Variants in GNAT1 observed in about 807,000 individuals in gnomAD.
The protein encoded by GNAT1 is G protein subunit alpha transducin 1.
Under a neutral mutation model 40.0 loss-of-function variants are expected in GNAT1, and 36 were observed. The ratio of observed to expected loss-of-function variants is 0.90; its 90% CI spans 0.69 to 1.19. GNAT1 has a LOEUF of 1.19. GNAT1 is among the 50% of genes most tolerant of loss of function. The pLI is 0.00. For missense variants in GNAT1, 413 were observed against 480.6 expected (o/e 0.86, Z 1.32); for synonymous variants, 195 against 192.9 (o/e 1.01, Z -0.09).
In GNAT1 at chr3:50,195,469, C is replaced by A. The variant is rs1699486543; in HGVS notation, c.*203C>A. ...GTATCCCAGCGCCTCATGCCCCCAA[C>A]CCCAAGCCCTGCCCTTCACCGCCCG... On this transcript the variant is annotated 3_prime_UTR_variant, in exon 9 of 9. Transcript: ENST00000232461. 5.3e-6 allele frequency: 1 copy of A among 187,832 alleles called. No homozygotes were observed. Among genetic ancestry groups the A allele is most frequent in the Non-Finnish European group, 1.1e-5 (1 of 88,010 alleles). The allele number at this position is 187,832 out of a possible 1,614,324, so 11.6% of individuals were successfully genotyped here. A position where few individuals can be genotyped will look rare whatever the true frequency, so the allele number is the denominator to read the frequency against.
Position 50,194,186 on chromosome 3 carries a change from G to A in GNAT1, c.673G>A (p.Ala225Thr), listed in dbSNP as rs1372709296. Residue 225 changes from alanine (A) to threonine (T), a missense_variant, in exon 6 of 9, where the codon GCC becomes ACC. By Grantham distance (58) the Ala-to-Thr change is moderately conservative. Transcript: ENST00000232461. This position sits in a 1 kb window ranked among gnomAD's most constrained non-coding sequence, Gnocchi z 6.1. ...CATCATCTTCATCGCGGCGCTGAGCGCCTACGACATGGTGCTAGTGGAGGA... is the reference window on the plus strand; with the variant it reads ...CATCATCTTCATCGCGGCGCTGAGCACCTACGACATGGTGCTAGTGGAGGA... The part of the protein sequence containing the change: ...TCIIFIAALS[A>T]YDMVLVEDDE... The A allele has an allele frequency of 1.9e-6, 3 of 1,612,968 alleles. No individual in the cohort carries two copies. The highest frequency in any genetic ancestry group is 2.5e-6 in the Non-Finnish European group (3 of 1,179,466).
rs907412141 is a variant in GNAT1, at chr3:50,193,048, A to C, written c.107-85A>C. ...TCTTCGCTGCGGGTCCACCCTGCCA[A>C]CTCGGGAGGTCCCCGTCCTCCTGGC... On this transcript the variant is annotated intron_variant, in intron 1 of 8. Transcript: ENST00000232461. This position sits in a 1 kb window ranked among gnomAD's most constrained non-coding sequence, Gnocchi z 8.1. The C allele has an allele frequency of 3.4e-6, 5 of 1,460,996 alleles. No homozygotes were observed. In the African/African-American group the frequency reaches 7.0e-5, roughly 20 times the overall value. 90.5% of individuals were successfully genotyped at this position (1,460,996 alleles called of 1,614,324 possible). A position where few individuals can be genotyped will look rare whatever the true frequency, so the allele number is the denominator to read the frequency against.
At position 50,194,321 on chromosome 3, in the gene GNAT1, G is replaced by A. The variant is rs1699469518; in HGVS notation, c.708+100G>A. ...CTGGGCTGGGGGAGGGCACGGGAGG[G>A]GATGCCTGTCCCGGGCGGCCTGAGG... On this transcript the variant is annotated intron_variant, in intron 6 of 8. Transcript: ENST00000232461. This position sits in a 1 kb window ranked among gnomAD's most constrained non-coding sequence, Gnocchi z 6.1. 1.4e-5 allele frequency: 21 copies of A among 1,455,622 alleles called. No homozygotes were observed. The highest frequency in any genetic ancestry group is 2.0e-5 in the Non-Finnish European group (21 of 1,066,090). 90.2% of individuals were successfully genotyped at this position (1,455,622 alleles called of 1,614,324 possible).
rs1039440661 is a variant in GNAT1, at chr3:50,193,954, A to G, written c.578+73A>G. On this transcript the variant is annotated intron_variant, in intron 5 of 8. Transcript: ENST00000232461. This position sits in a 1 kb window ranked among gnomAD's most constrained non-coding sequence, Gnocchi z 8.1. Reference sequence around the variant, plus strand: ...CTGCCCCGGGGACCCCATCCCTGCGATAGACCCTGCCCCTTCCCTGATACC... The same window carrying G: ...CTGCCCCGGGGACCCCATCCCTGCGGTAGACCCTGCCCCTTCCCTGATACC... 4.2e-5 allele frequency: 67 copies of G among 1,603,442 alleles called. No individual in the cohort carries two copies. Among genetic ancestry groups the G allele is most frequent in the Non-Finnish European group, 5.6e-5 (66 of 1,171,160 alleles).
In GNAT1 at chr3:50,191,666, G is replaced by T; in HGVS notation, c.-60G>T. 1.6e-6 allele frequency: 2 copies of T among 1,273,724 alleles called. No individual in the cohort carries two copies. The allele number at this position is 1,273,724 out of a possible 1,614,324, so 78.9% of individuals were successfully genotyped here. A position where few individuals can be genotyped will look rare whatever the true frequency, so the allele number is the denominator to read the frequency against. On this transcript the variant is annotated 5_prime_UTR_variant, in exon 1 of 9. Transcript: ENST00000232461. Reference sequence around the variant, plus strand: ...GGTGCCTGGGAGGCCAGGTTCTGGGGATCCCCTCCATCCAGAAGAACCACC... The same window carrying T: ...GGTGCCTGGGAGGCCAGGTTCTGGGTATCCCCTCCATCCAGAAGAACCACC...
chr3:50,194,721 G>C lies in GNAT1; in HGVS notation c.863-44G>C, dbSNP rs534024814. The C allele has an allele frequency of 2.4e-5, 38 of 1,611,274 alleles. No individual in the cohort carries two copies. Among genetic ancestry groups the C allele is most frequent in the Non-Finnish European group, 2.9e-5 (34 of 1,178,544 alleles). On this transcript the variant is annotated intron_variant, in intron 7 of 8. Transcript: ENST00000232461. The surrounding 1 kb of genome is among the most constrained non-coding windows in gnomAD (Gnocchi z 6.1). ...CGATCGCGGCGCGCACCCCCCGCAC[G>C]GGGAAGGAAGGGCTGAGCAGAGTGA...
Position 50,196,985 on chromosome 3 carries a change from C to T in GNAT1, c.*1719C>T, listed in dbSNP as rs1271458344. 6.6e-6 allele frequency among the ~76,000 whole-genome samples: 1 copy of T among 152,108 alleles called. No individual in the cohort carries two copies. Among genetic ancestry groups the T allele is most frequent in the Non-Finnish European group, 1.5e-5 (1 of 68,018 alleles). On this transcript the variant is annotated 3_prime_UTR_variant, in exon 9 of 9. Coordinates refer to ENST00000232461, the MANE Select transcript of GNAT1 (RefSeq NM_144499.3). ...GGATTAGGGTGAGGGAAGTGAGGCA[C>T]ACTCACCTTGGGTGCAACATTTAAG... is the stretch of plus-strand genomic sequence containing the variant.
At position 50,194,631 on chromosome 3, in the gene GNAT1, G is replaced by A; in HGVS notation, c.839G>A (p.Ser280Asn). The A allele has an allele frequency of 2.5e-6, 4 of 1,613,528 alleles. No individual in the cohort carries two copies. The highest frequency in any genetic ancestry group is 3.4e-6 in the Non-Finnish European group (4 of 1,179,800). The change falls in exon 7 of 9, where the codon AGC (serine) becomes AAC (asparagine). Residue 280 changes from serine to asparagine, a missense_variant. Coordinates refer to ENST00000232461, the MANE Select transcript of GNAT1 (RefSeq NM_144499.3). The surrounding 1 kb of genome is among the most constrained non-coding windows in gnomAD (Gnocchi z 6.1). Reference sequence around the variant, plus strand: ...GAGAAGATCAAGAAGGCGCACCTCAGCATCTGTTTCCCGGACTACGATGGT... The same window carrying A: ...GAGAAGATCAAGAAGGCGCACCTCAACATCTGTTTCCCGGACTACGATGGT... Reference protein sequence around the residue: ...FFEKIKKAHLSICFPDYDGPN... With the variant: ...FFEKIKKAHLNICFPDYDGPN...
Position 50,193,141 on chromosome 3 carries a change from G to A in GNAT1, c.115G>A (p.Glu39Lys). ...TVKLLLLGAG[E>K]SGKSTIVKQM... The stretch of plus-strand genomic sequence containing the variant: ...CGCCGCGTCTCTTTCAGGTGCCGGT[G>A]AGTCCGGGAAGAGCACCATCGTCAA... Residue 39 changes from glutamate to lysine, a missense_variant, in exon 2 of 9, where the codon GAG (glutamate) becomes AAG (lysine). Glu to Lys is a moderately conservative substitution (Grantham distance 56). Transcript: ENST00000232461. The surrounding 1 kb of genome is among the most constrained non-coding windows in gnomAD (Gnocchi z 8.1). 1 of 1,613,964 alleles carries A rather than the reference G, an allele frequency of 6.2e-7. No individual in the cohort carries two copies. Among genetic ancestry groups the A allele is most frequent in the Non-Finnish European group, 8.5e-7 (1 of 1,180,012 alleles).
chr3:50,194,151 G>C lies in GNAT1; in HGVS notation c.638G>C (p.Gly213Ala). The change falls in exon 6 of 9, where the codon GGC becomes GCC. Residue 213 changes from glycine (G) to alanine (A), a missense_variant. Physicochemically the swap from Gly to Ala is moderately conservative, Grantham distance 60 (BLOSUM62 0). Coordinates refer to ENST00000232461, the MANE Select transcript of GNAT1 (RefSeq NM_144499.3). The surrounding 1 kb of genome is among the most constrained non-coding windows in gnomAD (Gnocchi z 6.1). ...AAGAAGTGGATCCACTGCTTCGAGG[G>C]CGTGACCTGCATCATCTTCATCGCG... ...ERKKWIHCFEGVTCIIFIAAL... is the reference protein window; with the variant it reads ...ERKKWIHCFEAVTCIIFIAAL... The C allele has an allele frequency of 6.2e-7, 1 of 1,614,026 alleles. No individual in the cohort carries two copies. Among genetic ancestry groups the C allele is most frequent in the Non-Finnish European group, 8.5e-7 (1 of 1,179,906 alleles).
Position 50,194,313 on chromosome 3 carries a change from A to C in GNAT1, c.708+92A>C. 3 of 1,454,502 alleles carry C rather than the reference A, an allele frequency of 2.1e-6. No homozygotes were observed. The highest frequency in any genetic ancestry group is 2.8e-6 in the Non-Finnish European group (3 of 1,064,680). 90.1% of individuals were successfully genotyped at this position (1,454,502 alleles called of 1,614,324 possible). ...ACCGCGCGCTGGGCTGGGGGAGGGCACGGGAGGGGATGCCTGTCCCGGGCG... is the reference window on the plus strand; with the variant it reads ...ACCGCGCGCTGGGCTGGGGGAGGGCCCGGGAGGGGATGCCTGTCCCGGGCG... On this transcript the variant is annotated intron_variant, in intron 6 of 8. Transcript: ENST00000232461. This position sits in a 1 kb window ranked among gnomAD's most constrained non-coding sequence, Gnocchi z 6.1.
Position 50,194,125 on chromosome 3 carries a change from CAAG to C in GNAT1, c.616_618del (p.Lys206del). ...ATGTGGGCGGGCAGCGCTCGGAGCG[CAAG>C]AAGTGGATCCACTGCTTCGAGGGCG... is the stretch of plus-strand genomic sequence containing the variant. On this transcript the variant is annotated inframe_deletion, in exon 6 of 9. Coordinates refer to ENST00000232461, the MANE Select transcript of GNAT1 (RefSeq NM_144499.3). This position sits in a 1 kb window ranked among gnomAD's most constrained non-coding sequence, Gnocchi z 6.1. 6.2e-7 allele frequency: 1 copy of C among 1,613,940 alleles called. No individual in the cohort carries two copies. The highest frequency in any genetic ancestry group is 8.5e-7 in the Non-Finnish European group (1 of 1,179,840).
rs2109138737 is a variant in GNAT1, at chr3:50,193,544, C to T, written c.330C>T (p.Ile110=). 4 of 1,613,380 alleles carry T rather than the reference C, an allele frequency of 2.5e-6. No individual in the cohort carries two copies. Among genetic ancestry groups the T allele is most frequent in the South Asian group, 1.1e-5 (1 of 91,090 alleles). Reference sequence around the variant, plus strand: ...AGCTGATGCACATGGCAGACACTATCGAGGAGGGCACGATGCCCAAGGAGA... The same window carrying T: ...AGCTGATGCACATGGCAGACACTATTGAGGAGGGCACGATGCCCAAGGAGA... ...ARKLMHMADT[I]EEGTMPKEMS... Residue 110 remains isoleucine (I), a synonymous_variant, in exon 4 of 9, where the codon ATC becomes ATT. Transcript: ENST00000232461. This position sits in a 1 kb window ranked among gnomAD's most constrained non-coding sequence, Gnocchi z 8.1.
In GNAT1 at chr3:50,193,763, G is replaced by A. The variant is rs1293620319; in HGVS notation, c.460G>A (p.Asp154Asn). ...CCGGGTCTCGCGCAGCTACCTCTCC[G>A]ACCTGGAGCGCCTGGTAACCCCGGG... Reference protein sequence around the residue: ...LNDSAGYYLSDLERLVTPGYV... With the variant: ...LNDSAGYYLSNLERLVTPGYV... The change falls in exon 5 of 9, where the codon GAC (aspartate) becomes AAC (asparagine). Residue 154 changes from aspartate (D) to asparagine (N), a missense_variant. Coordinates refer to ENST00000232461, the MANE Select transcript of GNAT1 (RefSeq NM_144499.3). This position sits in a 1 kb window ranked among gnomAD's most constrained non-coding sequence, Gnocchi z 8.1. The A allele has an allele frequency of 3.1e-6, 5 of 1,611,426 alleles. No individual in the cohort carries two copies.
At position 50,193,293 on chromosome 3, in the gene GNAT1, G is replaced by C. The variant is rs1242103172; in HGVS notation, c.178G>C (p.Glu60Gln). The C allele has an allele frequency of 6.2e-7, 1 of 1,614,054 alleles. No homozygotes were observed. Among genetic ancestry groups the C allele is most frequent in the African/African-American group, 1.3e-5 (1 of 74,942 alleles). Residue 60 changes from glutamate (E) to glutamine (Q), a missense_variant, in exon 3 of 9, where the codon GAA becomes CAA. By Grantham distance (29) the Glu-to-Gln change is conservative. Coordinates refer to ENST00000232461, the MANE Select transcript of GNAT1 (RefSeq NM_144499.3). The surrounding 1 kb of genome is among the most constrained non-coding windows in gnomAD (Gnocchi z 8.1). ...KIIHQDGYSL[E>Q]ECLEFIAIIY... ...TATCCACCAGGACGGGTACTCGCTG[G>C]AAGAGTGCCTCGAGTTTATCGCCAT...
chr3:50,195,198 C>T, intron 8 of GNAT1, 70 bp from the exon 9 acceptor site: 2 of 589,584 alleles, frequency 3.4e-6, no homozygotes, highest in Non-Finnish European at 6.1e-6. Context: ...CAGGGCCGCC[C>T]CACCACACAC....
chr3:50,194,733 G>T lies in GNAT1; in HGVS notation c.863-32G>T. 1 of 1,612,618 alleles carries T rather than the reference G, an allele frequency of 6.2e-7. No homozygotes were observed. ...GCACCCCCCGCACGGGGAAGGAAGG[G>T]CTGAGCAGAGTGAGAGCTCCCGCCC... On this transcript the variant is annotated intron_variant, in intron 7 of 8. Coordinates refer to ENST00000232461, the MANE Select transcript of GNAT1 (RefSeq NM_144499.3). This position sits in a 1 kb window ranked among gnomAD's most constrained non-coding sequence, Gnocchi z 6.1.
rs972655698 is a variant in GNAT1, at chr3:50,196,018, C to T, written c.*752C>T. On this transcript the variant is annotated 3_prime_UTR_variant, in exon 9 of 9. Coordinates refer to ENST00000232461, the MANE Select transcript of GNAT1 (RefSeq NM_144499.3). ...TCCACACACCACTTCCCCACCCACA[C>T]ACAGTACCCTGGGCTGGTTGGACAA... 2 of 152,544 alleles carry T rather than the reference C, an allele frequency of 1.3e-5. No individual in the cohort carries two copies. Among genetic ancestry groups the T allele is most frequent in the African/African-American group, 2.4e-5 (1 of 41,460 alleles). 9.4% of individuals were successfully genotyped at this position (152,544 alleles called of 1,614,324 possible). A position where few individuals can be genotyped will look rare whatever the true frequency, so the allele number is the denominator to read the frequency against.
rs532366141 is a variant in GNAT1 at position 50,194,624 on chromosome 3, C to T, written c.832C>T (p.His278Tyr). 5 of 1,613,534 alleles carry T rather than the reference C, an allele frequency of 3.1e-6. No individual in the cohort carries two copies. The South Asian group carries it at 5.5e-5, about 18-fold the overall frequency. Residue 278 changes from histidine to tyrosine, a missense_variant, in exon 7 of 9, where the codon CAC becomes TAC. Coordinates refer to ENST00000232461, the MANE Select transcript of GNAT1 (RefSeq NM_144499.3). This position sits in a 1 kb window ranked among gnomAD's most constrained non-coding sequence, Gnocchi z 6.1. ...DVFFEKIKKA[H>Y]LSICFPDYDG... ...CTTCTTCGAGAAGATCAAGAAGGCG[C>T]ACCTCAGCATCTGTTTCCCGGACTA...
Sources: gnomAD v4.1 joint callset for allele counts (sites outside exome capture counted in the v4.1 genomes callset) on GRCh38, gnomAD v4.1.1 for gene constraint, Gnocchi (gnomAD v3.1) non-coding constraint, MANE v1.5 for transcripts, NCBI Gene and HGNC (gene_info 2026-07-23, HGNC 2026-07-21) for gene names.